The following TECPR2 variants were observed in gnomAD, a reference collection of about 807,000 sequenced individuals.
The protein encoded by TECPR2 is tectonin beta-propeller repeat-containing protein 2.
A neutral mutation model predicts 138.1 loss-of-function variants in TECPR2; 65 were observed. The ratio of observed to expected loss-of-function variants is 0.47; its 90% CI spans 0.39 to 0.58. The LOEUF (loss-of-function observed/expected upper bound fraction) is 0.58, where lower values mean the gene tolerates loss of function less well. Among genes scored for constraint, TECPR2 ranks in the 20% least tolerant of loss-of-function variants. The pLI is 0.00. For synonymous variants in TECPR2, 746 were observed against 749.8 expected, an observed-to-expected ratio of 0.99 and a Z score of 0.08; for missense variants, 1,553 against 1,824.5, an observed-to-expected ratio of 0.85 and a Z score of 2.71.
intron 16 of TECPR2, among the ~76,000 whole-genome samples, chr14:102,458,565 G>T (rs1332207568): frequency 6.6e-6 from 1 of 151,900 alleles, no homozygotes; most frequent in Non-Finnish European, 1.5e-5. Flanking sequence ...TTGTGTTGGG[G>T]CCCTGGCTAA....
chr14:102,469,614 G>A (rs1223920748), intron 17 of TECPR2, among the ~76,000 whole-genome samples: 1 of 152,172 alleles, frequency 6.6e-6, no homozygotes, highest in Non-Finnish European at 1.5e-5. Flanking sequence ...TTGAGTAGAA[G>A]TGGCGAGAAT....
At chr14:102,387,700 G>C (rs1029760715) in intron 2 of TECPR2, among the ~76,000 whole-genome samples, 4 of 152,088 alleles carry the variant, frequency 2.6e-5, no homozygotes, top group Non-Finnish European at 5.9e-5. Flanking sequence ...CTAATTTTTT[G>C]TATTTTTAAT....
intron 17 of TECPR2, among the ~76,000 whole-genome samples, chr14:102,469,169 G>C (rs532725113): frequency 3.3e-5 from 5 of 152,142 alleles, no homozygotes; most frequent in Admixed American, 1.3e-4. Context: ...GAATTGTGTC[G>C]AATCAGTAGA....
chr14:102,402,224 T>G (rs1426045653), intron 2 of TECPR2, among the ~76,000 whole-genome samples: 1 of 152,106 alleles, frequency 6.6e-6, no homozygotes, highest in Non-Finnish European at 1.5e-5. Context: ...CAGGATAAAG[T>G]TAGAAATCAG....
chr14:102,405,745 A>T (rs1194104128), intron 2 of TECPR2, among the ~76,000 whole-genome samples: 1 of 152,236 alleles, frequency 6.6e-6, no homozygotes, highest in Admixed American at 6.5e-5. Flanking sequence ...TAGGAGCCTT[A>T]TTCACAGTAG....
chr14:102,463,174 A>G (rs1342141437), intron 16 of TECPR2, among the ~76,000 whole-genome samples: 1 of 152,140 alleles, frequency 6.6e-6, no homozygotes, highest in African/African-American at 2.4e-5. Flanking sequence ...TAATCCCAGC[A>G]CTTTGGGAGG....
At chr14:102,483,256 T>C (rs117817378) in intron 17 of TECPR2, among the ~76,000 whole-genome samples, 4,343 of 152,222 alleles carry the variant, frequency 0.029, 82 homozygotes, top group Middle Eastern at 0.092. Context: ...TACATAGTGG[T>C]ATGCCTTGGT....
chr14:102,483,734 C>T (rs1036453843), intron 17 of TECPR2, among the ~76,000 whole-genome samples: 1 of 150,052 alleles, frequency 6.7e-6, no homozygotes, highest in African/African-American at 2.5e-5. Context: ...TGAGCAACTG[C>T]ACCTGGCACC....
rs1188082616 is a variant in TECPR2 at position 102,477,934 on chromosome 14, C to CAAA, written c.3789+12666_3789+12668dup. ...TGGGTGACAGAGCGAGACTCCGTCT[C>CAAA]AAAAAAAAAAAAAAAAAAAAAAAGA... On this transcript the variant is annotated intron_variant, in intron 17 of 19. Transcript: ENST00000359520. 4.4e-3 allele frequency among the ~76,000 whole-genome samples: 192 copies of CAAA among 44,082 alleles called. 7 individuals carry two copies. The highest frequency in any genetic ancestry group is 0.011 in the African/African-American group (118 of 10,982). 28.9% of individuals were successfully genotyped at this position (44,082 alleles called of 152,430 possible).
In TECPR2 at chr14:102,438,141, G is replaced by C. The variant is rs140913653; in HGVS notation, c.2514G>C (p.Pro838=). The C allele has an allele frequency of 2.9e-4, 475 of 1,613,572 alleles. No individual in the cohort carries two copies. Among genetic ancestry groups the C allele is most frequent in the Non-Finnish European group, 3.9e-4 (455 of 1,179,966 alleles). Residue 838 remains proline (P), a synonymous_variant, in exon 10 of 20, where the codon CCG becomes CCC. Transcript: ENST00000359520. ...GCGGCCTGTTCTGCAGCGCGTTGCC[G>C]GGCGCCGGGCTGCGCTGGCAGAAGT... ...YKGGLFCSAL[P]GAGLRWQKFE...
intron 11 of TECPR2, among the ~76,000 whole-genome samples, chr14:102,442,166 G>T (rs1347967898): frequency 2.0e-5 from 3 of 152,134 alleles, no homozygotes; most frequent in Admixed American, 2.0e-4. Flanking sequence ...TTTAGTAGAG[G>T]CAGGGTTTCA....
In TECPR2 at chr14:102,362,973, A is replaced by G; in HGVS notation, c.-216A>G. ...GCTCTGCCGCTCTAGCCCCCGGCGGAGCCAGCTGCTGCTCTTCGGTGCTGG... is the reference window on the plus strand; with the variant it reads ...GCTCTGCCGCTCTAGCCCCCGGCGGGGCCAGCTGCTGCTCTTCGGTGCTGG... On this transcript the variant is annotated 5_prime_UTR_variant, in exon 1 of 20. Coordinates refer to ENST00000359520, the MANE Select transcript of TECPR2 (RefSeq NM_014844.5). The G allele has an allele frequency of 3.7e-6, 5 of 1,340,996 alleles. No homozygotes were observed. The highest frequency in any genetic ancestry group is 4.2e-6 in the Non-Finnish European group (4 of 959,928). The allele number at this position is 1,340,996 out of a possible 1,614,324, so 83.1% of individuals were successfully genotyped here. A position where few individuals can be genotyped will look rare whatever the true frequency, so the allele number is the denominator to read the frequency against.
chr14:102,438,148 G>T lies in TECPR2; in HGVS notation c.2521G>T (p.Gly841Trp). 1 of 1,613,452 alleles carries T rather than the reference G, an allele frequency of 6.2e-7. No individual in the cohort carries two copies. The highest frequency in any genetic ancestry group is 1.7e-5 in the Admixed American group (1 of 60,008). Residue 841 changes from glycine to tryptophan, a missense_variant, in exon 10 of 20, where the codon GGG (glycine) becomes TGG (tryptophan). By Grantham distance (184) the Gly-to-Trp change is radical. Transcript: ENST00000359520. Reference protein sequence around the residue: ...GLFCSALPGAGLRWQKFEDAV... With the variant: ...GLFCSALPGAWLRWQKFEDAV... ...GTTCTGCAGCGCGTTGCCGGGCGCC[G>T]GGCTGCGCTGGCAGAAGTTTGAAGA... is the stretch of plus-strand genomic sequence containing the variant.
At chr14:102,438,875 T>C (rs1037410504) in intron 10 of TECPR2, among the ~76,000 whole-genome samples, 1 of 151,480 alleles carries the variant, frequency 6.6e-6, no homozygotes, top group African/African-American at 2.4e-5. Context: ...TTTTTTTTTT[T>C]TTTTGAGACA....
intron 17 of TECPR2, among the ~76,000 whole-genome samples, chr14:102,490,998 G>C (rs1206815679): frequency 6.6e-6 from 1 of 152,138 alleles, no homozygotes; most frequent in Non-Finnish European, 1.5e-5. Context: ...GGGTTCAAGT[G>C]ATTCTCCTGT....
chr14:102,382,090 G>A (rs376638021), intron 2 of TECPR2, among the ~76,000 whole-genome samples: 1 of 152,100 alleles, frequency 6.6e-6, no homozygotes, highest in African/African-American at 2.4e-5. Flanking sequence ...TCAGGAGATC[G>A]AGACCATCCA....
chr14:102,442,010 G>T (rs961561503), intron 11 of TECPR2, among the ~76,000 whole-genome samples: 1 of 152,078 alleles, frequency 6.6e-6, no homozygotes, highest in African/African-American at 2.4e-5. Flanking sequence ...ACGGAATCTC[G>T]CTCTGTTGCC....
At chr14:102,479,022 AAAAAAAAAAAAG>A (rs1460252151) in intron 17 of TECPR2, among the ~76,000 whole-genome samples, 1 of 146,440 alleles carries the variant, frequency 6.8e-6, no homozygotes, top group Non-Finnish European at 1.5e-5. Flanking sequence ...GTCTCAAAAA[AAAAAAAAAAAAG>A]GAAAAAAAAA....
rs111371711 is a variant in TECPR2, at chr14:102,364,999, T to C, written c.-73+1883T>C. On this transcript the variant is annotated intron_variant, in intron 1 of 19. Coordinates refer to ENST00000359520, the MANE Select transcript of TECPR2 (RefSeq NM_014844.5). The stretch of plus-strand genomic sequence containing the variant: ...AATTGCTAAGGTAGAAGGGAGCTGT[T>C]ACTCAAGATGCATGTTCAATTTAAA... Among the ~76,000 whole-genome samples, 326 of 152,338 alleles carry C rather than the reference T, an allele frequency of 2.1e-3. 3 individuals carry two copies. The highest frequency in any genetic ancestry group is 7.3e-3 in the African/African-American group (302 of 41,572).
Sources: allele counts gnomAD v4.1 joint callset (sites outside exome capture counted in the v4.1 genomes callset), GRCh38; gene constraint gnomAD v4.1.1; transcripts MANE v1.5; gene names NCBI Gene and HGNC (gene_info 2026-07-23, HGNC 2026-07-21).